The following TECPR2 variants were observed in gnomAD, a reference collection of about 807,000 sequenced individuals.
The protein encoded by TECPR2 is tectonin beta-propeller repeat-containing protein 2.
Under a neutral mutation model 138.1 loss-of-function variants are expected in TECPR2, and 65 were observed. That is an observed-to-expected ratio of 0.47 (90% CI 0.39 to 0.58). The LOEUF (loss-of-function observed/expected upper bound fraction) is 0.58. Ranked by LOEUF, TECPR2 falls within the 20% of genes least tolerant of loss-of-function variation. TECPR2 has a pLI of 0.00. For synonymous variants in TECPR2, 746 were observed against 749.8 expected, an observed-to-expected ratio of 0.99 and a Z score of 0.08; for missense variants, 1,553 against 1,824.5, an observed-to-expected ratio of 0.85 and a Z score of 2.71.
intron 16 of TECPR2, among the ~76,000 whole-genome samples, chr14:102,453,283 C>T (rs1890193322): frequency 1.3e-5 from 2 of 152,046 alleles, no homozygotes; most frequent in Admixed American, 6.6e-5. Context: ...CGAGACCAGC[C>T]TGGCCAACAT....
intron 2 of TECPR2, among the ~76,000 whole-genome samples, chr14:102,389,785 T>C (rs1567320372): frequency 6.6e-6 from 1 of 152,234 alleles, no homozygotes; most frequent in Non-Finnish European, 1.5e-5. Context: ...GCTTTAGATC[T>C]TCTCTAATGA....
At chr14:102,401,804 C>CAAAAAAAA (rs34413626) in intron 2 of TECPR2, among the ~76,000 whole-genome samples, 8 of 68,942 alleles carry the variant, frequency 1.2e-4, no homozygotes, top group East Asian at 4.8e-4. Flanking sequence ...GACTCCGTCT[C>CAAAAAAAA]AAAAAAAAAA....
chr14:102,432,439 C>T (rs192731428), intron 8 of TECPR2, among the ~76,000 whole-genome samples: 3 of 151,966 alleles, frequency 2.0e-5, no homozygotes, highest in East Asian at 1.9e-4. Context: ...TTATTTTTTG[C>T]GACAGAGTTT....
At chr14:102,425,528 T>G (rs1268672498) in intron 6 of TECPR2, among the ~76,000 whole-genome samples, 1 of 152,208 alleles carries the variant, frequency 6.6e-6, no homozygotes, top group East Asian at 1.9e-4. Context: ...ATGATGTATG[T>G]TTTTTGTATG....
intron 13 of TECPR2, among the ~76,000 whole-genome samples, chr14:102,446,472 G>A (rs908550450): frequency 2.0e-5 from 3 of 152,156 alleles, no homozygotes; most frequent in African/African-American, 4.8e-5. Flanking sequence ...GGTGGCACAC[G>A]CCGTTGGTCC....
chr14:102,480,583 G>A (rs919451701), intron 17 of TECPR2, among the ~76,000 whole-genome samples: 5 of 151,820 alleles, frequency 3.3e-5, no homozygotes, highest in Admixed American at 6.6e-5. Context: ...GCAGTGGTGC[G>A]ATCATAGCTC....
chr14:102,497,161 G>T, intron 18 of TECPR2, 41 bp downstream of exon 18: 1 of 1,593,022 alleles, frequency 6.3e-7, no homozygotes, highest in Non-Finnish European at 8.5e-7. Context: ...CGGCCAGCCG[G>T]GGCTACCATC....
intron 17 of TECPR2, among the ~76,000 whole-genome samples, chr14:102,492,950 T>C (rs1891187973): frequency 6.6e-6 from 1 of 152,162 alleles, no homozygotes. Flanking sequence ...CCAGAGACGT[T>C]GCGAGGTGAT....
intron 16 of TECPR2, among the ~76,000 whole-genome samples, chr14:102,457,827 G>GCT (rs979302422): frequency 2.7e-5 from 4 of 147,006 alleles, no homozygotes; most frequent in Non-Finnish European, 5.9e-5. Flanking sequence ...CCCCAATTGT[G>GCT]CTCTTCTTCC....
intron 2 of TECPR2, among the ~76,000 whole-genome samples, chr14:102,403,591 T>G (rs1283471921): frequency 6.6e-6 from 1 of 152,172 alleles, no homozygotes; most frequent in Non-Finnish European, 1.5e-5. Context: ...AAAGTATCTC[T>G]GTTTGCAGAT....
intron 13 of TECPR2, among the ~76,000 whole-genome samples, chr14:102,448,344 A>G (rs1207484495): frequency 6.6e-6 from 1 of 152,200 alleles, no homozygotes; most frequent in Non-Finnish European, 1.5e-5. Context: ...GGAGAATCAG[A>G]TTTTCACTCA....
rs560003638 is a variant in TECPR2, at chr14:102,460,184, C to T, written c.3641-4957C>T. Among the ~76,000 whole-genome samples the T allele has an allele frequency of 2.2e-4, 33 of 152,188 alleles. No homozygotes were observed. In the South Asian group the frequency reaches 3.3e-3, roughly 15 times the overall value. ...ACTCAGGAGGCTGAGGCACAAGAAT[C>T]GCTTGAACCCGAGAGGCAGAGGCTC... is the stretch of plus-strand genomic sequence containing the variant. On this transcript the variant is annotated intron_variant, in intron 16 of 19. Coordinates refer to ENST00000359520, the MANE Select transcript of TECPR2 (RefSeq NM_014844.5).
At chr14:102,411,946 C>G (rs983592935) in intron 4 of TECPR2, among the ~76,000 whole-genome samples, 4 of 151,880 alleles carry the variant, frequency 2.6e-5, no homozygotes. Flanking sequence ...TGACAAATGA[C>G]AAATGGTAGT....
chr14:102,387,461 A>G (rs1394362533), intron 2 of TECPR2, among the ~76,000 whole-genome samples: 1 of 152,142 alleles, frequency 6.6e-6, no homozygotes, highest in Non-Finnish European at 1.5e-5. Flanking sequence ...TTGAAGTTAA[A>G]CATATGATCC....
chr14:102,418,971 G>C (rs1220343660), intron 5 of TECPR2, among the ~76,000 whole-genome samples: 1 of 152,116 alleles, frequency 6.6e-6, no homozygotes, highest in African/African-American at 2.4e-5. Flanking sequence ...AGATGGAACA[G>C]CCTGCTGTGG....
intron 17 of TECPR2, among the ~76,000 whole-genome samples, chr14:102,478,005 C>T (rs1417075747): frequency 2.0e-5 from 3 of 150,602 alleles, no homozygotes; most frequent in Non-Finnish European, 4.4e-5. Context: ...ATCTGCCCAC[C>T]TCCCAAAGTG....
chr14:102,466,425 A>ACCAC (rs1468491234), intron 17 of TECPR2, among the ~76,000 whole-genome samples: 1 of 152,186 alleles, frequency 6.6e-6, no homozygotes, highest in Non-Finnish European at 1.5e-5. Flanking sequence ...CCCTCTGCAC[A>ACCAC]CGGTGACGTA....
chr14:102,430,216 C>T (rs1394139962), intron 7 of TECPR2, among the ~76,000 whole-genome samples: 1 of 152,180 alleles, frequency 6.6e-6, no homozygotes, highest in East Asian at 1.9e-4. Context: ...TCAGGCAGTC[C>T]TCCCACCTTA....
At chr14:102,376,607 C>A in intron 1 of TECPR2, 43 bp from the exon 2 acceptor site, 1 of 900,362 alleles carries the variant, frequency 1.1e-6, no homozygotes, top group Non-Finnish European at 1.7e-6. Context: ...CTTCTTTTTG[C>A]CATGACTAGG....
Sources: gnomAD v4.1 joint callset for allele counts (sites outside exome capture counted in the v4.1 genomes callset) on GRCh38, gnomAD v4.1.1 for gene constraint, MANE v1.5 for transcripts, NCBI Gene and HGNC (gene_info 2026-07-23, HGNC 2026-07-21) for gene names.